Variants in EFNA5 observed in about 807,000 individuals in gnomAD.
EFNA5 encodes ephrin-A5.
Under a neutral mutation model 22.9 loss-of-function variants are expected in EFNA5, and 5 were observed. The ratio of observed to expected loss-of-function variants is 0.22; its 90% CI spans 0.11 to 0.46. EFNA5 has a LOEUF of 0.46. Ranked by LOEUF, EFNA5 falls within the 20% of genes least tolerant of loss-of-function variation. The pLI, the probability that EFNA5 is intolerant of heterozygous loss-of-function variation, is 0.99. For synonymous variants in EFNA5, 113 were observed against 112.2 expected (o/e 1.01, Z -0.04); for missense variants, 237 against 293.3 (o/e 0.81, Z 1.40).
intron 1 of EFNA5, among the ~76,000 whole-genome samples, chr5:107,476,952 G>C (rs1018636802): frequency 2.0e-5 from 3 of 152,130 alleles, no homozygotes; most frequent in Admixed American, 1.3e-4. Flanking sequence ...CAGGAAATCA[G>C]TCATAATGAA....
At chr5:107,417,646 A>G (rs978507876) in intron 2 of EFNA5, among the ~76,000 whole-genome samples, 2 of 152,232 alleles carry the variant, frequency 1.3e-5, no homozygotes, top group African/African-American at 4.8e-5. Flanking sequence ...ATAAATCTCA[A>G]GTTTTGAGAA....
At chr5:107,391,168 A>G (rs991207109) in intron 2 of EFNA5, among the ~76,000 whole-genome samples, 1 of 152,194 alleles carries the variant, frequency 6.6e-6, no homozygotes, top group African/African-American at 2.4e-5. Flanking sequence ...AAAAATAAAT[A>G]AATAAAATAA....
chr5:107,623,720 AC>A lies in EFNA5; in HGVS notation c.125+46768del, dbSNP rs200687707. On this transcript the variant is annotated intron_variant, in intron 1 of 4. Coordinates refer to ENST00000333274, the MANE Select transcript of EFNA5 (RefSeq NM_001962.3). Reference sequence around the variant, plus strand: ...GAGGGGGAGATTCAAAAAAAAAAAAACAACTACCACTTTGCCAATACTATAA... The same window carrying A: ...GAGGGGGAGATTCAAAAAAAAAAAAAAACTACCACTTTGCCAATACTATAA... Among the ~76,000 whole-genome samples the A allele has an allele frequency of 7.9e-3, 1,179 of 149,984 alleles. 10 individuals carry two copies. Among genetic ancestry groups the A allele is most frequent in the African/African-American group, 0.012 (476 of 41,184 alleles).
chr5:107,433,129 A>C (rs1365359548), intron 1 of EFNA5, among the ~76,000 whole-genome samples: 2 of 152,152 alleles, frequency 1.3e-5, no homozygotes, highest in Non-Finnish European at 1.5e-5. Flanking sequence ...TCAGGAGTCA[A>C]AAGTTATACC....
intron 1 of EFNA5, among the ~76,000 whole-genome samples, chr5:107,612,876 T>A (rs1382024727): frequency 6.6e-6 from 1 of 152,132 alleles, no homozygotes; most frequent in South Asian, 2.1e-4. Flanking sequence ...CTTAGATGAA[T>A]GAAAGTTAAA....
intron 2 of EFNA5, among the ~76,000 whole-genome samples, chr5:107,408,922 A>G (rs1417778491): frequency 6.6e-6 from 1 of 152,236 alleles, no homozygotes; most frequent in African/African-American, 2.4e-5. Flanking sequence ...TGAAAATGTC[A>G]TTGTTCTGAA....
chr5:107,525,165 T>C (rs1003819287), intron 1 of EFNA5, among the ~76,000 whole-genome samples: 2 of 152,138 alleles, frequency 1.3e-5, no homozygotes, highest in African/African-American at 4.8e-5. Context: ...ATGAAGACAA[T>C]TATATTACAA....
intron 1 of EFNA5, among the ~76,000 whole-genome samples, chr5:107,533,202 C>T (rs993261006): frequency 1.3e-5 from 2 of 152,124 alleles, no homozygotes; most frequent in African/African-American, 4.8e-5. Context: ...CTCCACTTAG[C>T]GATCTCATTT....
intron 1 of EFNA5, among the ~76,000 whole-genome samples, chr5:107,641,666 T>C (rs1489999809): frequency 6.6e-6 from 1 of 152,230 alleles, no homozygotes. Flanking sequence ...TTAAGGATTT[T>C]CTTTTTATGA....
chr5:107,523,145 T>A (rs1207917886), intron 1 of EFNA5, among the ~76,000 whole-genome samples: 1 of 152,188 alleles, frequency 6.6e-6, no homozygotes, highest in African/African-American at 2.4e-5. Context: ...GACCAGACAA[T>A]ATTTCTCCTC....
At chr5:107,539,500 C>T (rs1218729668) in intron 1 of EFNA5, among the ~76,000 whole-genome samples, 1 of 152,156 alleles carries the variant, frequency 6.6e-6, no homozygotes, top group Non-Finnish European at 1.5e-5. Context: ...GCTCTTTTGC[C>T]CAGGCTGAAG....
chr5:107,394,991 A>G lies in EFNA5; in HGVS notation c.419-7220T>C, dbSNP rs141702222. On this transcript the variant is annotated intron_variant, in intron 2 of 4. Transcript: ENST00000333274. ...GAGCCAAAAATAACGTGGATTTTGG[A>G]GAATGATTTTAAAATGTCCCCTTAT... Among the ~76,000 whole-genome samples, 13 of 149,840 alleles carry G rather than the reference A, an allele frequency of 8.7e-5. No individual in the cohort carries two copies. The East Asian group carries it at 2.6e-3, about 29-fold the overall frequency.
At chr5:107,543,710 A>T (rs200379354) in intron 1 of EFNA5, among the ~76,000 whole-genome samples, 30 of 15,720 alleles carry the variant, frequency 1.9e-3, no homozygotes, top group African/African-American at 6.7e-4. Flanking sequence ...AGTATAATTT[A>T]AAAAAAAAAC....
At chr5:107,392,545 G>A (rs1397395063) in intron 2 of EFNA5, among the ~76,000 whole-genome samples, 1 of 152,224 alleles carries the variant, frequency 6.6e-6, no homozygotes, top group Non-Finnish European at 1.5e-5. Flanking sequence ...TGAGCCTTGA[G>A]ATGACCGTTG....
At chr5:107,398,441 A>G (rs570006350) in intron 2 of EFNA5, among the ~76,000 whole-genome samples, 1 of 152,256 alleles carries the variant, frequency 6.6e-6, no homozygotes, top group South Asian at 2.1e-4. Context: ...CCCCAAAGGC[A>G]GGAGCCATGC....
intron 2 of EFNA5, among the ~76,000 whole-genome samples, chr5:107,404,834 T>C (rs1476669339): frequency 6.6e-6 from 1 of 152,168 alleles, no homozygotes; most frequent in African/African-American, 2.4e-5. Context: ...TTGGTAGAAC[T>C]TGACTGTGTA....
chr5:107,574,430 T>C (rs1405949770), intron 1 of EFNA5, among the ~76,000 whole-genome samples: 2 of 152,190 alleles, frequency 1.3e-5, no homozygotes, highest in African/African-American at 4.8e-5. Flanking sequence ...CAATATGCCA[T>C]TAATATGAAA....
rs200366690 is a variant in EFNA5 at position 107,449,369 on chromosome 5, T to TAA, written c.126-21862_126-21861dup. 6.0e-3 allele frequency among the ~76,000 whole-genome samples: 855 copies of TAA among 142,730 alleles called. 19 individuals are homozygous for TAA. The highest frequency in any genetic ancestry group is 0.046 in the East Asian group (231 of 4,982). The allele number at this position is 142,730 out of a possible 152,430, so 93.6% of individuals were successfully genotyped here. On this transcript the variant is annotated intron_variant, in intron 1 of 4. Transcript: ENST00000333274. ...GAAGCCAAAAATATGGCTAAAACCA[T>TAA]AAAAAAAAAAAAATAAGGATTCTAC...
In EFNA5 at chr5:107,648,084, T is replaced by C. The variant is rs529617380; in HGVS notation, c.125+22405A>G. The stretch of plus-strand genomic sequence containing the variant: ...AAGTTTCACTGAAAAAAAGTTTAAC[T>C]GATTTTTTGCCTAAATCATTCTTGC... On this transcript the variant is annotated intron_variant, in intron 1 of 4. Transcript: ENST00000333274. 4.8e-4 allele frequency among the ~76,000 whole-genome samples: 73 copies of C among 152,320 alleles called. No homozygotes were observed. In the Middle Eastern group the frequency reaches 0.01, roughly 21 times the overall value.
Sources: gnomAD v4.1 joint callset for allele counts (sites outside exome capture counted in the v4.1 genomes callset) on GRCh38, gnomAD v4.1.1 for gene constraint, MANE v1.5 for transcripts, NCBI Gene and HGNC (gene_info 2026-07-23, HGNC 2026-07-21) for gene names.